Variants in MYOM3 observed in about 807,000 individuals in gnomAD.
MYOM3 encodes myomesin 3, also known as myomesin-3.
In MYOM3, 155 loss-of-function variants were observed where a neutral mutation model predicts 191.7. The ratio of observed to expected loss-of-function variants is 0.81; its 90% CI spans 0.71 to 0.92. The LOEUF is 0.92. Among genes scored for constraint, MYOM3 ranks in the 40% least tolerant of loss-of-function variants. The probability of loss-of-function intolerance (pLI) is 0.00; values close to 1 mark genes in which losing one functional copy is unlikely to be tolerated. For synonymous variants in MYOM3, 757 were observed against 762.9 expected (o/e 0.99, Z 0.13); for missense variants, 1,889 against 1,890.6 (o/e 1.00, Z 0.02).
Position 24,082,182 on chromosome 1 carries a change from G to T in MYOM3, c.2099C>A (p.Pro700Gln). The part of the protein sequence containing the change: ...PIRVKQALAT[P>Q]SAPYGFALLN... ...GAGGGCAAAGCCATATGGGGCAGACGGGGTAGCTACAGGGAGGTAAGGAGG... is the reference window on the plus strand; with the variant it reads ...GAGGGCAAAGCCATATGGGGCAGACTGGGTAGCTACAGGGAGGTAAGGAGG... The change falls in exon 18 of 37, where the codon CCG becomes CAG. Residue 700 changes from proline (P) to glutamine (Q), a missense_variant. Physicochemically the swap from Pro to Gln is moderately conservative, Grantham distance 76 (BLOSUM62 -1). Transcript: ENST00000374434. 1 of 1,607,886 alleles carries T rather than the reference G, an allele frequency of 6.2e-7. No individual in the cohort carries two copies. The highest frequency in any genetic ancestry group is 8.5e-7 in the Non-Finnish European group (1 of 1,177,022).
At chr1:24,110,732 T>C (rs1270527844) in intron 1 of MYOM3, among the ~76,000 whole-genome samples, 1 of 152,184 alleles carries the variant, frequency 6.6e-6, no homozygotes, top group African/African-American at 2.4e-5. Context: ...GTCACCCTCT[T>C]TGGCTTCGTA....
Position 24,095,455 on chromosome 1 carries a change from T to C in MYOM3, c.777A>G (p.Ser259=). ...CAGCCGACTTACTTTTGAAGATCTCTGAATCGAAGCCAGCATCCTTCCCCA... is the reference window on the plus strand; with the variant it reads ...CAGCCGACTTACTTTTGAAGATCTCCGAATCGAAGCCAGCATCCTTCCCCA... The part of the protein sequence containing the change: ...TYLGKDAGFD[S]EIFKRSTFGP... The change falls in exon 8 of 37, where the codon TCA becomes TCG. Residue 259 remains serine, a synonymous_variant. Transcript: ENST00000374434. 1.2e-5 allele frequency: 19 copies of C among 1,613,146 alleles called. No individual in the cohort carries two copies. Among genetic ancestry groups the C allele is most frequent in the Non-Finnish European group, 1.6e-5 (19 of 1,179,468 alleles).
Position 24,074,209 on chromosome 1 carries a change from G to C in MYOM3, c.2919C>G (p.Val973=), listed in dbSNP as rs1472576291. 1 of 1,614,166 alleles carries C rather than the reference G, an allele frequency of 6.2e-7. No individual in the cohort carries two copies. The highest frequency in any genetic ancestry group is 8.5e-7 in the Non-Finnish European group (1 of 1,180,014). The change falls in exon 23 of 37, where the codon GTC becomes GTG. Residue 973 remains valine, a synonymous_variant. Transcript: ENST00000374434. The part of the protein sequence containing the change: ...LEDLGTYSVI[V]TDADEDISAS... ...CGGAGATGTCTTCATCGGCATCAGTGACTATGACTGAGTAGGTGCCCAAAT... is the reference window on the plus strand; with the variant it reads ...CGGAGATGTCTTCATCGGCATCAGTCACTATGACTGAGTAGGTGCCCAAAT...
chr1:24,068,875 C>G (rs1488536697), intron 25 of MYOM3, among the ~76,000 whole-genome samples: 1 of 152,018 alleles, frequency 6.6e-6, no homozygotes, highest in East Asian at 1.9e-4. Flanking sequence ...AAGCATGCGC[C>G]ACCACACCCA....
chr1:24,102,095 A>T (rs1643941168), intron 5 of MYOM3, among the ~76,000 whole-genome samples: 1 of 152,096 alleles, frequency 6.6e-6, no homozygotes, highest in Admixed American at 6.5e-5. Context: ...GAGGTTGAAG[A>T]GGAGGCCTCC....
In MYOM3 at chr1:24,095,429, C is replaced by T; in HGVS notation, c.790+13G>A. 1 of 1,611,772 alleles carries T rather than the reference C, an allele frequency of 6.2e-7. No individual in the cohort carries two copies. The highest frequency in any genetic ancestry group is 8.5e-7 in the Non-Finnish European group (1 of 1,178,582). ...AAAGAATCCCAGGTCCCGTTCTCCC[C>T]CAGCCGACTTACTTTTGAAGATCTC... On this transcript the variant is annotated intron_variant, in intron 8 of 36. Transcript: ENST00000374434.
chr1:24,085,831 ATG>A (rs35549651), intron 15 of MYOM3, among the ~76,000 whole-genome samples: 25,759 of 151,402 alleles, frequency 0.17, 2,451 homozygotes, highest in South Asian at 0.25. Flanking sequence ...CCGTGTGTGT[ATG>A]TGTGTGTGTG....
At position 24,111,024 on chromosome 1, in the gene MYOM3, C is replaced by A. The variant is rs369442119; in HGVS notation, c.-19+1007G>T. 1.3e-4 allele frequency among the ~76,000 whole-genome samples: 20 copies of A among 152,360 alleles called. 1 individual carries two copies. In the East Asian group the frequency reaches 2.5e-3, roughly 19 times the overall value. Reference sequence around the variant, plus strand: ...GGGGCCTGGCGCTCGTCCCTGACCTCGGGGCCTCCAGCAACCAGACCCCTG... The same window carrying A: ...GGGGCCTGGCGCTCGTCCCTGACCTAGGGGCCTCCAGCAACCAGACCCCTG... On this transcript the variant is annotated intron_variant, in intron 1 of 36. Coordinates refer to ENST00000374434, the MANE Select transcript of MYOM3 (RefSeq NM_152372.4). This position sits in a 1 kb window ranked among gnomAD's most constrained non-coding sequence, Gnocchi z 4.7.
At chr1:24,092,816 C>A in intron 10 of MYOM3, 131 bp downstream of exon 10, 1 of 949,826 alleles carries the variant, frequency 1.1e-6, no homozygotes, top group Non-Finnish European at 1.5e-6. Context: ...CAACCCAAAG[C>A]CCTGATTTTA....
intron 36 of MYOM3, among the ~76,000 whole-genome samples, chr1:24,057,869 T>C (rs57985831): frequency 0.048 from 7,325 of 152,196 alleles, 618 homozygotes; most frequent in African/African-American, 0.16. Flanking sequence ...TGCAGTGGCA[T>C]GATCTCGGCT....
At position 24,080,127 on chromosome 1, in the gene MYOM3, T is replaced by C. The variant is rs768542740; in HGVS notation, c.2475A>G (p.Pro825=). ...ATSLVLQWEP[P]LYMGAGPVTG... ...TGACAGGCCCAGCCCCCATATACAG[T>C]GGGGGTTCCCACTGCAGCACCAGGG... The change falls in exon 20 of 37, where the codon CCA becomes CCG. Residue 825 remains proline, a synonymous_variant. Transcript: ENST00000374434. The C allele has an allele frequency of 1.1e-5, 17 of 1,613,518 alleles. No individual in the cohort carries two copies. Among genetic ancestry groups the C allele is most frequent in the Non-Finnish European group, 1.4e-5 (17 of 1,179,772 alleles).
intron 35 of MYOM3, 135 bp from the exon 36 acceptor site, chr1:24,059,114 A>G (rs538530968): frequency 5.6e-5 from 38 of 679,950 alleles, no homozygotes; most frequent in South Asian, 5.3e-4. Context: ...TTTTGGATGG[A>G]AATCTTTTTT....
chr1:24,102,696 G>C (rs923813558), intron 5 of MYOM3, among the ~76,000 whole-genome samples: 2 of 152,094 alleles, frequency 1.3e-5, no homozygotes, highest in African/African-American at 4.8e-5. Flanking sequence ...AAATTGAAAA[G>C]TTAGCCAGGT....
In MYOM3 at chr1:24,079,843, C is replaced by T. The variant is rs551739650; in HGVS notation, c.2586+173G>A. The stretch of plus-strand genomic sequence containing the variant: ...GCATGGAGCAGGATATGGGCACCAG[C>T]CAGCCAGACCTACCTCCAACTTGCT... On this transcript the variant is annotated intron_variant, in intron 20 of 36. Transcript: ENST00000374434. 2.0e-5 allele frequency among the ~76,000 whole-genome samples: 3 copies of T among 152,292 alleles called. No individual in the cohort carries two copies. The East Asian group carries it at 5.8e-4, about 29-fold the overall frequency.
At chr1:24,093,162 T>G in intron 9 of MYOM3, 54 bp from the exon 10 acceptor site, 1 of 1,314,370 alleles carries the variant, frequency 7.6e-7, no homozygotes, top group East Asian at 2.4e-5. Context: ...TGGTCTCACC[T>G]GGGAACCACA....
At chr1:24,108,326 G>T in intron 2 of MYOM3, 150 bp downstream of exon 2, 2 of 901,612 alleles carry the variant, frequency 2.2e-6, no homozygotes, top group Non-Finnish European at 3.2e-6. Flanking sequence ...AGCCAATTGT[G>T]TCTCCCCCCT....
At chr1:24,067,308 CTTT>C (rs1482736397) in intron 27 of MYOM3, among the ~76,000 whole-genome samples, 16 of 119,498 alleles carry the variant, frequency 1.3e-4, no homozygotes, top group South Asian at 9.2e-4. Flanking sequence ...TTCTTTCCTT[CTTT>C]CTTTCTTTCT....
intron 15 of MYOM3, 112 bp from the exon 16 acceptor site, chr1:24,084,751 G>A: frequency 1.0e-6 from 1 of 999,796 alleles, no homozygotes; most frequent in South Asian, 1.6e-5. Context: ...CAGCAATCAA[G>A]GTGCATGAAT....
At position 24,086,770 on chromosome 1, in the gene MYOM3, G is replaced by A. The variant is rs1643753594; in HGVS notation, c.1672C>T (p.Pro558Ser). 6.2e-7 allele frequency: 1 copy of A among 1,614,070 alleles called. No individual in the cohort carries two copies. The highest frequency in any genetic ancestry group is 1.7e-5 in the Admixed American group (1 of 60,006). The stretch of plus-strand genomic sequence containing the variant: ...TCCAGGTCCAGAACGGCGAATCTCG[G>A]GGATCTCACAGGGCTTTCCGAGCTG... ...AISSESPVRSPRFAVLDLEKK... is the reference protein window; with the variant it reads ...AISSESPVRSSRFAVLDLEKK... The change falls in exon 15 of 37, where the codon CCG becomes TCG. Residue 558 changes from proline (P) to serine (S), a missense_variant. Transcript: ENST00000374434.
Sources: gnomAD v4.1 joint callset for allele counts (sites outside exome capture counted in the v4.1 genomes callset) on GRCh38, gnomAD v4.1.1 for gene constraint, Gnocchi (gnomAD v3.1) non-coding constraint, MANE v1.5 for transcripts, NCBI Gene and HGNC (gene_info 2026-07-23, HGNC 2026-07-21) for gene names.